DYNC2H1: variants seen among roughly 807,000 people sequenced by gnomAD.
DYNC2H1 encodes cytoplasmic dynein 2 heavy chain 1.
In DYNC2H1, 410 loss-of-function variants were observed where a neutral mutation model predicts 570.0. That is an observed-to-expected ratio of 0.72 (90% CI 0.66 to 0.78). DYNC2H1 has a LOEUF of 0.78. Among genes scored for constraint, DYNC2H1 ranks in the 30% least tolerant of loss-of-function variants. The pLI is 0.00. For missense variants in DYNC2H1, 4,865 were observed against 5,046.4 expected (o/e 0.96, Z 1.09); for synonymous variants, 1,688 against 1,677.6 (o/e 1.01, Z -0.15).
chr11:103,300,060 C>G (rs541962385), intron 75 of DYNC2H1, among the ~76,000 whole-genome samples: 1 of 152,032 alleles, frequency 6.6e-6, no homozygotes, highest in African/African-American at 2.4e-5. Context: ...TACTTATCAG[C>G]TCTTTGTTAT....
chr11:103,287,606 G>A lies in DYNC2H1; in HGVS notation c.11095+1G>A, dbSNP rs754990828. The stretch of plus-strand genomic sequence containing the variant: ...GCTCTTTTTGCATGTAAAACTCTGG[G>A]TAAGTGTGATGCTTTTCAAGAACTA... On this transcript the variant is annotated splice_donor_variant, in intron 75 of 88. Transcript: ENST00000375735. LOFTEE classifies it high-confidence loss of function. 2 of 1,609,564 alleles carry A rather than the reference G, an allele frequency of 1.2e-6. No homozygotes were observed. Among genetic ancestry groups the A allele is most frequent in the South Asian group, 1.1e-5 (1 of 89,712 alleles).
At chr11:103,140,600 C>G (rs1410268585) in intron 17 of DYNC2H1, among the ~76,000 whole-genome samples, 1 of 152,158 alleles carries the variant, frequency 6.6e-6, no homozygotes, top group African/African-American at 2.4e-5. Context: ...TGATGGGCTT[C>G]CCTTTGTGGG....
At position 103,181,665 on chromosome 11, in the gene DYNC2H1, C is replaced by A. The variant is rs550445234; in HGVS notation, c.6348-92C>A. 3 of 1,332,650 alleles carry A rather than the reference C, an allele frequency of 2.3e-6. No homozygotes were observed. Among genetic ancestry groups the A allele is most frequent in the Non-Finnish European group, 2.0e-6 (2 of 980,168 alleles). 82.6% of individuals were successfully genotyped at this position (1,332,650 alleles called of 1,614,324 possible). ...TGTATGCTAGCAGACAAAATATGTGCGTAGAATAATGTTTATTGGAGAAGA... is the reference window on the plus strand; with the variant it reads ...TGTATGCTAGCAGACAAAATATGTGAGTAGAATAATGTTTATTGGAGAAGA... On this transcript the variant is annotated intron_variant, in intron 39 of 88. Transcript: ENST00000375735. The surrounding 1 kb of genome is among the most constrained non-coding windows in gnomAD (Gnocchi z 5.0).
rs866981177 is a variant in DYNC2H1 at position 103,241,559 on chromosome 11, T to G, written c.9820-2134T>G. On this transcript the variant is annotated intron_variant, in intron 63 of 88. Transcript: ENST00000375735. The surrounding 1 kb of genome is among the most constrained non-coding windows in gnomAD (Gnocchi z 5.1). Reference sequence around the variant, plus strand: ...GTTTGAAATCATGGGTAAGAACTTTTTAAAAATTTAAAATAATTACTTTTG... The same window carrying G: ...GTTTGAAATCATGGGTAAGAACTTTGTAAAAATTTAAAATAATTACTTTTG... 2.6e-6 allele frequency: 4 copies of G among 1,566,408 alleles called. No homozygotes were observed. The Middle Eastern group carries it at 5.1e-4, about 200-fold the overall frequency.
At chr11:103,312,067 CTTT>C in intron 79 of DYNC2H1, 34 bp downstream of exon 79, 1 of 1,572,806 alleles carries the variant, frequency 6.4e-7, no homozygotes, top group East Asian at 2.3e-5. Flanking sequence ...ACATTCTAAG[CTTT>C]ATATTTTTGT....
At chr11:103,381,428 C>A in intron 83 of DYNC2H1, among the ~76,000 whole-genome samples, 1 of 150,194 alleles carries the variant, frequency 6.7e-6, no homozygotes, top group East Asian at 1.9e-4. Context: ...TATTCAATAT[C>A]TTTTATTTAT....
intron 70 of DYNC2H1, among the ~76,000 whole-genome samples, chr11:103,274,802 T>G (rs999097421): frequency 1.3e-5 from 2 of 152,052 alleles, no homozygotes; most frequent in African/African-American, 4.8e-5. Flanking sequence ...GATTTAAAAT[T>G]TATTTATGTA....
intron 84 of DYNC2H1, among the ~76,000 whole-genome samples, chr11:103,432,312 G>A (rs1406256065): frequency 1.3e-5 from 2 of 152,152 alleles, no homozygotes; most frequent in African/African-American, 4.8e-5. Context: ...TGATTCAAAT[G>A]CTGAATGACT....
chr11:103,251,253 T>A (rs544648699), intron 65 of DYNC2H1, among the ~76,000 whole-genome samples: 15 of 152,232 alleles, frequency 9.9e-5, no homozygotes, highest in African/African-American at 3.6e-4. Context: ...TCAGTTGTCT[T>A]ATTTATCATT....
intron 80 of DYNC2H1, among the ~76,000 whole-genome samples, chr11:103,320,438 G>A (rs1421654885): frequency 6.6e-6 from 1 of 152,038 alleles, no homozygotes; most frequent in Non-Finnish European, 1.5e-5. Context: ...GTTCCATTGT[G>A]GCTTTTTAAT....
chr11:103,345,135 T>C (rs1186916444), intron 82 of DYNC2H1, among the ~76,000 whole-genome samples: 1 of 152,234 alleles, frequency 6.6e-6, no homozygotes, highest in Non-Finnish European at 1.5e-5. Context: ...GGATTTGCTT[T>C]TTTCCTTCAG....
chr11:103,255,438 T>A lies in DYNC2H1; in HGVS notation c.10230T>A (p.His3410Gln). The A allele has an allele frequency of 6.4e-7, 1 of 1,565,864 alleles. No homozygotes were observed. The highest frequency in any genetic ancestry group is 8.7e-7 in the Non-Finnish European group (1 of 1,154,318). ...RGQLLALTIQHEKPDLEEQKT... is the reference protein window; with the variant it reads ...RGQLLALTIQQEKPDLEEQKT... The stretch of plus-strand genomic sequence containing the variant: ...AGCTTTTAGCTTTAACCATTCAGCA[T>A]GAGAAACCTGATTTAGAAGAACAGA... Residue 3410 changes from histidine to glutamine, a missense_variant, in exon 67 of 89, where the codon CAT becomes CAA. Physicochemically the swap from His to Gln is conservative, Grantham distance 24. Around this residue, in one of 5 missense-constraint regions of DYNC2H1, gnomAD observed 2,401 missense variants for 2,454.6 expected, o/e 0.98. Transcript: ENST00000375735.
chr11:103,271,907 A>G (rs1865723583), intron 70 of DYNC2H1, among the ~76,000 whole-genome samples: 1 of 152,198 alleles, frequency 6.6e-6, no homozygotes, highest in Admixed American at 6.5e-5. Context: ...GGCGATCATT[A>G]AAAAGTCAGG....
rs1945510809 is a variant in DYNC2H1 at position 103,475,084 on chromosome 11, C to T, written c.12766-4011C>T. ...TAAAACAATTTTTATTTATGAAAAG[C>T]TAATTGATTCAAATGAGTGTAAAAT... On this transcript the variant is annotated intron_variant, in intron 88 of 88. Transcript: ENST00000375735. Among the ~76,000 whole-genome samples the T allele has an allele frequency of 1.3e-5, 2 of 152,080 alleles. 1 individual carries two copies. The highest frequency in any genetic ancestry group is 4.1e-4 in the South Asian group (2 of 4,828).
chr11:103,315,398 G>A (rs1937767434), intron 79 of DYNC2H1, among the ~76,000 whole-genome samples: 1 of 151,958 alleles, frequency 6.6e-6, no homozygotes, highest in South Asian at 2.1e-4. Flanking sequence ...CTTTTGTTTG[G>A]TGATCTCATG....
chr11:103,132,203 A>G (rs1859315003), intron 13 of DYNC2H1, among the ~76,000 whole-genome samples: 1 of 151,988 alleles, frequency 6.6e-6, no homozygotes, highest in Non-Finnish European at 1.5e-5. Context: ...TTTGTTGTTC[A>G]AATTACATAA....
chr11:103,358,174 C>A, intron 82 of DYNC2H1, 69 bp from the exon 83 acceptor site: 1 of 843,604 alleles, frequency 1.2e-6, no homozygotes, highest in Non-Finnish European at 1.8e-6. Context: ...TGTTTTTGTA[C>A]CTATGTTCTT....
intron 18 of DYNC2H1, among the ~76,000 whole-genome samples, chr11:103,144,440 C>A (rs1474666556): frequency 6.6e-6 from 1 of 152,106 alleles, no homozygotes; most frequent in African/African-American, 2.4e-5. Context: ...ATGATGACAT[C>A]CCCTCTGTCT....
At chr11:103,169,888 T>C (rs1861499351) in intron 32 of DYNC2H1, among the ~76,000 whole-genome samples, 1 of 152,234 alleles carries the variant, frequency 6.6e-6, no homozygotes, top group African/African-American at 2.4e-5. Flanking sequence ...TAACAATGTA[T>C]TGAGTATAGT....
Sources: gnomAD v4.1 joint callset for allele counts (sites outside exome capture counted in the v4.1 genomes callset) on GRCh38, gnomAD v4.1.1 for gene constraint, gnomAD v4.1.1 regional missense constraint, Gnocchi (gnomAD v3.1) non-coding constraint, MANE v1.5 for transcripts, NCBI Gene and HGNC (gene_info 2026-07-23, HGNC 2026-07-21) for gene names.